Variants in CCDC150 observed in about 807,000 individuals in gnomAD.
CCDC150 encodes coiled-coil domain-containing protein 150.
In CCDC150, 151 loss-of-function variants were observed where a neutral mutation model predicts 156.5. That is an observed-to-expected ratio of 0.97 (90% confidence interval 0.85 to 1.10). CCDC150 has a LOEUF of 1.10. Ranked by LOEUF, CCDC150 falls within the 50% of genes least tolerant of loss-of-function variation. The pLI, the probability that CCDC150 is intolerant of heterozygous loss-of-function variation, is 0.00. For synonymous variants in CCDC150, 452 were observed against 429.4 expected (o/e 1.05, Z -0.65); for missense variants, 1,312 against 1,268.1 (o/e 1.03, Z -0.53).
At chr2:196,720,788 T>G (rs757792243) in intron 20 of CCDC150, 120 bp downstream of exon 20, 30 of 856,454 alleles carry the variant, frequency 3.5e-5, no homozygotes, top group Non-Finnish European at 5.2e-5. Context: ...CAAGTCTGAG[T>G]TTTGGACAGT....
intron 13 of CCDC150, among the ~76,000 whole-genome samples, chr2:196,686,793 CTTG>C (rs769859846): frequency 1.3e-5 from 2 of 152,116 alleles, no homozygotes; most frequent in African/African-American, 2.4e-5. Context: ...ACACCCAGTA[CTTG>C]TTGTTCTCCT....
chr2:196,670,936 A>T (rs988141371), intron 8 of CCDC150, among the ~76,000 whole-genome samples: 1 of 152,160 alleles, frequency 6.6e-6, no homozygotes, highest in Non-Finnish European at 1.5e-5. Context: ...TTCTGCCCCT[A>T]TTCATGCATA....
intron 8 of CCDC150, among the ~76,000 whole-genome samples, chr2:196,671,107 C>T (rs1186245740): frequency 6.6e-6 from 1 of 152,114 alleles, no homozygotes; most frequent in Non-Finnish European, 1.5e-5. Flanking sequence ...TGGTGTTGTG[C>T]ATTCTATGGA....
intron 14 of CCDC150, among the ~76,000 whole-genome samples, chr2:196,695,918 T>G (rs1695798393): frequency 6.6e-6 from 1 of 152,272 alleles, no homozygotes; most frequent in Admixed American, 6.5e-5. Flanking sequence ...TGAAAAAGTA[T>G]TACTTACTTG....
intron 8 of CCDC150, among the ~76,000 whole-genome samples, chr2:196,670,375 T>G (rs1345549886): frequency 2.0e-5 from 3 of 152,114 alleles, no homozygotes; most frequent in Non-Finnish European, 2.9e-5. Flanking sequence ...CATCCTGTGT[T>G]ATATGTTGTC....
In CCDC150 at chr2:196,707,438, G is replaced by T. The variant is rs548683452; in HGVS notation, c.1696-4707G>T. Among the ~76,000 whole-genome samples the T allele has an allele frequency of 1.2e-3, 180 of 151,848 alleles. 1 individual carries two copies. Among genetic ancestry groups the T allele is most frequent in the African/African-American group, 4.2e-3 (174 of 41,400 alleles). On this transcript the variant is annotated intron_variant, in intron 15 of 27. Coordinates refer to ENST00000389175, the MANE Select transcript of CCDC150 (RefSeq NM_001080539.2). ...GTCTTGCTAGCAGTCTATCAATTTTGCTGATCTTTTCAAAAAACCGTCTCC... is the reference window on the plus strand; with the variant it reads ...GTCTTGCTAGCAGTCTATCAATTTTTCTGATCTTTTCAAAAAACCGTCTCC...
At chr2:196,643,052 T>G (rs1371817790) in intron 1 of CCDC150, among the ~76,000 whole-genome samples, 2 of 152,268 alleles carry the variant, frequency 1.3e-5, no homozygotes, top group African/African-American at 4.8e-5. Context: ...CCATGAGATC[T>G]GTTTTTAGTA....
chr2:196,688,700 T>C (rs1575841025), intron 13 of CCDC150, among the ~76,000 whole-genome samples: 2 of 152,264 alleles, frequency 1.3e-5, no homozygotes, highest in South Asian at 4.2e-4. Context: ...AGGTTGCCTG[T>C]TCACTCTGAT....
At chr2:196,713,381 C>T in intron 17 of CCDC150, 1 of 1,506,110 alleles carries the variant, frequency 6.6e-7, no homozygotes, top group Non-Finnish European at 8.9e-7. Flanking sequence ...AAGGAAATCC[C>T]CAGAGAGGAC....
At chr2:196,710,852 C>T (rs1247662463) in intron 15 of CCDC150, among the ~76,000 whole-genome samples, 1 of 150,300 alleles carries the variant, frequency 6.7e-6, no homozygotes, top group Non-Finnish European at 1.5e-5. Flanking sequence ...CAGAAGCTTT[C>T]AATTTTAACG....
chr2:196,729,229 G>T lies in CCDC150; in HGVS notation c.2593G>T (p.Val865Leu). 1 of 1,613,738 alleles carries T rather than the reference G, an allele frequency of 6.2e-7. No individual in the cohort carries two copies. Among genetic ancestry groups the T allele is most frequent in the Non-Finnish European group, 8.5e-7 (1 of 1,179,820 alleles). ...CCTTGATGAAGCTAACTTCAGATCAGTGGAAGTGTCCCGGACCAACCGAGA... is the reference window on the plus strand; with the variant it reads ...CCTTGATGAAGCTAACTTCAGATCATTGGAAGTGTCCCGGACCAACCGAGA... ...KALDEANFRS[V>L]EVSRTNRELR... Residue 865 changes from valine (V) to leucine (L), a missense_variant, in exon 23 of 28, where the codon GTG (valine) becomes TTG (leucine). By Grantham distance (32) the Val-to-Leu change is conservative. Transcript: ENST00000389175.
At chr2:196,717,815 C>T (rs925087123) in intron 17 of CCDC150, among the ~76,000 whole-genome samples, 12 of 151,868 alleles carry the variant, frequency 7.9e-5, no homozygotes, top group Admixed American at 3.3e-4. Flanking sequence ...CGCTTGATCC[C>T]GGAAGGTGGA....
At chr2:196,684,586 G>C (rs1215280118) in intron 13 of CCDC150, among the ~76,000 whole-genome samples, 1 of 152,094 alleles carries the variant, frequency 6.6e-6, no homozygotes, top group Non-Finnish European at 1.5e-5. Flanking sequence ...TGTTGTTCAT[G>C]TCTTCTGTTT....
intron 17 of CCDC150, chr2:196,713,804 T>C: frequency 9.0e-7 from 1 of 1,108,638 alleles, no homozygotes; most frequent in Non-Finnish European, 1.2e-6. Context: ...TCTTCACAAA[T>C]AGAAAAAAGA....
At chr2:196,661,904 C>A (rs1389065372) in intron 5 of CCDC150, among the ~76,000 whole-genome samples, 1 of 152,104 alleles carries the variant, frequency 6.6e-6, no homozygotes, top group African/African-American at 2.4e-5. Flanking sequence ...TTCAAGCCTA[C>A]ATAATGGGGG....
chr2:196,669,833 C>T lies in CCDC150; in HGVS notation c.893C>T (p.Thr298Ile). ...IATSQLKSDL[T>I]SRDDLISKLV... ...AGTTATGTGGAATTTTTGTTTTTAG[C>T]TTCTAGAGATGACCTCATTTCCAAG... Residue 298 changes from threonine (T) to isoleucine (I), a missense_variant and splice_region_variant, in exon 8 of 28, where the codon ACT (threonine) becomes ATT (isoleucine). Physicochemically the swap from Thr to Ile is moderately conservative, Grantham distance 89. Transcript: ENST00000389175. 1.2e-6 allele frequency: 2 copies of T among 1,607,036 alleles called. No individual in the cohort carries two copies.
At chr2:196,664,298 G>A (rs1048331571) in intron 5 of CCDC150, among the ~76,000 whole-genome samples, 3 of 152,176 alleles carry the variant, frequency 2.0e-5, no homozygotes, top group Non-Finnish European at 4.4e-5. Context: ...CCAATTGCAA[G>A]CCCCAAGTTG....
At chr2:196,643,228 C>T (rs1231152254) in intron 1 of CCDC150, among the ~76,000 whole-genome samples, 1 of 152,214 alleles carries the variant, frequency 6.6e-6, no homozygotes, top group South Asian at 2.1e-4. Context: ...CGAGTCACCT[C>T]AATCTCCCCC....
rs557475562 is a variant in CCDC150 at position 196,650,705 on chromosome 2, T to C, written c.176+4201T>C. 6.4e-4 allele frequency among the ~76,000 whole-genome samples: 97 copies of C among 152,352 alleles called. No individual in the cohort carries two copies. In the Middle Eastern group the frequency reaches 0.027, roughly 43 times the overall value. On this transcript the variant is annotated intron_variant, in intron 2 of 27. Coordinates refer to ENST00000389175, the MANE Select transcript of CCDC150 (RefSeq NM_001080539.2). ...CCATACCAGCTGCTAGTGTTTTTAT[T>C]GATAATTTTTGCATCTGTGTTCAGG...
Sources: allele counts gnomAD v4.1 joint callset (sites outside exome capture counted in the v4.1 genomes callset), GRCh38; gene constraint gnomAD v4.1.1; transcripts MANE v1.5; gene names NCBI Gene and HGNC (gene_info 2026-07-23, HGNC 2026-07-21).